TGM2: variants seen among roughly 807,000 people sequenced by gnomAD.
TGM2 encodes transglutaminase 2.
A neutral mutation model predicts 75.6 loss-of-function variants in TGM2; 53 were observed. The ratio of observed to expected loss-of-function variants is 0.70; its 90% CI spans 0.56 to 0.88. TGM2 has a LOEUF of 0.88. Ranked by LOEUF, TGM2 falls within the 40% of genes least tolerant of loss-of-function variation. TGM2 has a pLI of 0.00. For missense variants in TGM2, 842 were observed against 928.5 expected (o/e 0.91, Z 1.21); for synonymous variants, 374 against 381.1 (o/e 0.98, Z 0.22).
intron 3 of TGM2, among the ~76,000 whole-genome samples, chr20:38,152,005 G>A (rs1449317404): frequency 6.6e-6 from 1 of 152,174 alleles, no homozygotes; most frequent in Non-Finnish European, 1.5e-5. Context: ...TGACTTTGGT[G>A]AGCCCCAGGC....
intron 4 of TGM2, among the ~76,000 whole-genome samples, chr20:38,149,404 G>A (rs1338076191): frequency 1.3e-5 from 2 of 152,146 alleles, no homozygotes; most frequent in African/African-American, 2.4e-5. Flanking sequence ...TGGGCCGGGC[G>A]CGGTGGCTCA....
At chr20:38,156,183 T>G (rs923069088) in intron 2 of TGM2, 94 bp from the exon 3 acceptor site, 7 of 1,452,060 alleles carry the variant, frequency 4.8e-6, no homozygotes, top group Non-Finnish European at 6.5e-6. Context: ...GCTCCAGGCC[T>G]AGTTCTGCCA....
Position 38,165,248 on chromosome 20 carries a change from T to G in TGM2, c.-50A>C. ...TCCACTGGCGGCGAGACCCTCCAAG[T>G]GCGACCACTGGCGGCTGGCACTGCC... On this transcript the variant is annotated 5_prime_UTR_variant, in exon 1 of 13. Coordinates refer to ENST00000361475, the MANE Select transcript of TGM2 (RefSeq NM_004613.4). 1 of 1,610,966 alleles carries G rather than the reference T, an allele frequency of 6.2e-7. No individual in the cohort carries two copies. The highest frequency in any genetic ancestry group is 8.5e-7 in the Non-Finnish European group (1 of 1,179,656).
Position 38,147,962 on chromosome 20 carries a change from A to ACCC in TGM2, c.679_680insGGG (p.Met227delinsArgVal). ...GGATGGGCCATGCCACTCACTCACC[A>ACCC]TGCCACTCACCACCCGGCCCACGTA... On this transcript the variant is annotated protein_altering_variant and splice_region_variant, in exon 5 of 13. Transcript: ENST00000361475. 4 of 1,610,212 alleles carry ACCC rather than the reference A, an allele frequency of 2.5e-6. No homozygotes were observed. The highest frequency in any genetic ancestry group is 3.4e-6 in the Non-Finnish European group (4 of 1,178,974).
At chr20:38,132,125 C>T (rs1342975385) in intron 11 of TGM2, among the ~76,000 whole-genome samples, 1 of 152,120 alleles carries the variant, frequency 6.6e-6, no homozygotes, top group African/African-American at 2.4e-5. Context: ...CCCTAACACT[C>T]TGGGATTTTC....
intron 10 of TGM2, among the ~76,000 whole-genome samples, chr20:38,134,526 C>T (rs1406511806): frequency 6.6e-6 from 1 of 152,192 alleles, no homozygotes; most frequent in East Asian, 1.9e-4. Context: ...CGTCCACAAG[C>T]CAGTGGCCAC....
chr20:38,137,214 G>A (rs571760608), intron 10 of TGM2, among the ~76,000 whole-genome samples: 10 of 152,338 alleles, frequency 6.6e-5, no homozygotes, highest in African/African-American at 2.2e-4. Context: ...GCCAGGTGCG[G>A]TGGCTCACAC....
At chr20:38,131,884 C>A (rs1600476630) in intron 11 of TGM2, among the ~76,000 whole-genome samples, 1 of 152,046 alleles carries the variant, frequency 6.6e-6, no homozygotes, top group South Asian at 2.1e-4. Context: ...TCTTACAACA[C>A]CCCTCAGTGC....
intron 4 of TGM2, among the ~76,000 whole-genome samples, chr20:38,149,399 C>G (rs957190650): frequency 6.6e-6 from 1 of 152,096 alleles, no homozygotes; most frequent in South Asian, 2.1e-4. Context: ...CCCTGTGGGC[C>G]GGGCGCGGTG....
At chr20:38,162,633 G>A (rs1435617050) in intron 1 of TGM2, among the ~76,000 whole-genome samples, 1 of 152,202 alleles carries the variant, frequency 6.6e-6, no homozygotes, top group Non-Finnish European at 1.5e-5. Context: ...TTTATTACAT[G>A]TATGAGACAA....
chr20:38,129,925 G>C lies in TGM2; in HGVS notation c.*294C>G. ...TCAATGGCTTTCCAAAGGGCATCTG[G>C]GCAGGAGAGGGAATGTAGGTCTTTC... On this transcript the variant is annotated 3_prime_UTR_variant, in exon 13 of 13. Coordinates refer to ENST00000361475, the MANE Select transcript of TGM2 (RefSeq NM_004613.4). 2.1e-6 allele frequency: 1 copy of C among 476,856 alleles called. No individual in the cohort carries two copies. Among genetic ancestry groups the C allele is most frequent in the African/African-American group, 1.9e-5 (1 of 51,618 alleles). The allele number at this position is 476,856 out of a possible 1,614,324, so 29.5% of individuals were successfully genotyped here.
intron 1 of TGM2, among the ~76,000 whole-genome samples, chr20:38,164,086 A>C (rs1242712024): frequency 6.6e-6 from 1 of 152,176 alleles, no homozygotes; most frequent in East Asian, 1.9e-4. Context: ...CATCTCCAGG[A>C]TCTCCCAGCC....
chr20:38,141,578 G>A (rs1342875596), intron 7 of TGM2, among the ~76,000 whole-genome samples, 193 bp from the exon 8 acceptor site: 1 of 151,736 alleles, frequency 6.6e-6, no homozygotes, highest in Non-Finnish European at 1.5e-5. Flanking sequence ...TAGCCAAGGC[G>A]CCCACTCCTA....
rs1215878298 is a variant in TGM2 at position 38,150,992 on chromosome 20, T to TA, written c.498dup (p.Ile167TyrfsTer20). 1 of 1,614,130 alleles carries TA rather than the reference T, an allele frequency of 6.2e-7. No homozygotes were observed. The highest frequency in any genetic ancestry group is 8.5e-7 in the Non-Finnish European group (1 of 1,180,004). ...ATGAACTTGGCCGAGCCCTGGTAGA[T>TA]AAAGCCCTGCTGGGTGAGGACATAC... On this transcript the variant is annotated frameshift_variant, in exon 4 of 13. Transcript: ENST00000361475. LOFTEE classifies it high-confidence loss of function.
intron 6 of TGM2, among the ~76,000 whole-genome samples, chr20:38,143,249 G>A (rs2074998317): frequency 1.3e-5 from 2 of 152,216 alleles, no homozygotes; most frequent in Non-Finnish European, 2.9e-5. Flanking sequence ...GGAGGGCACA[G>A]AGGTCGGGAG....
intron 2 of TGM2, among the ~76,000 whole-genome samples, chr20:38,159,060 T>A (rs1346991980): frequency 3.3e-5 from 5 of 152,114 alleles, no homozygotes; most frequent in Non-Finnish European, 5.9e-5. Flanking sequence ...GATAAGTTGG[T>A]GGAGACTGGA....
chr20:38,148,208 C>T (rs1568693915), intron 4 of TGM2, 119 bp from the exon 5 acceptor site: 12 of 1,342,932 alleles, frequency 8.9e-6, no homozygotes, highest in Non-Finnish European at 1.2e-5. Flanking sequence ...GACTGGGACA[C>T]TCCGGCCGAG....
chr20:38,161,620 G>A (rs1051328297), intron 1 of TGM2, 21 bp from the exon 2 acceptor site: 9 of 1,613,892 alleles, frequency 5.6e-6, no homozygotes, highest in East Asian at 2.2e-5. Context: ...AGAAGGAGAC[G>A]CATGAGCCTC....
At chr20:38,163,775 C>T (rs1281991512) in intron 1 of TGM2, among the ~76,000 whole-genome samples, 3 of 152,238 alleles carry the variant, frequency 2.0e-5, no homozygotes, top group African/African-American at 4.8e-5. Context: ...CCTATTGCGG[C>T]GAGGAAATGT....
Sources: allele counts gnomAD v4.1 joint callset (sites outside exome capture counted in the v4.1 genomes callset), GRCh38; gene constraint gnomAD v4.1.1; transcripts MANE v1.5; gene names NCBI Gene and HGNC (gene_info 2026-07-23, HGNC 2026-07-21).